The following TRIM24 variants were observed in gnomAD, a reference collection of about 807,000 sequenced individuals.
The protein encoded by TRIM24 is transcription intermediary factor 1-alpha.
Under a neutral mutation model 123.9 loss-of-function variants are expected in TRIM24, and 29 were observed. That is an observed-to-expected ratio of 0.23 (90% CI 0.17 to 0.32). The LOEUF (loss-of-function observed/expected upper bound fraction) is 0.32, where lower values mean the gene tolerates loss of function less well. Among genes scored for constraint, TRIM24 ranks in the 10% least tolerant of loss-of-function variants. TRIM24 has a pLI of 1.00. For synonymous variants in TRIM24, 456 were observed against 461.1 expected, an observed-to-expected ratio of 0.99 and a Z score of 0.14; for missense variants, 932 against 1,295.3, an observed-to-expected ratio of 0.72 and a Z score of 4.31.
At chr7:138,478,709 G>A (rs1202750045) in intron 1 of TRIM24, among the ~76,000 whole-genome samples, 2 of 152,150 alleles carry the variant, frequency 1.3e-5, no homozygotes, top group African/African-American at 2.4e-5. Context: ...GTGGCTCAGT[G>A]CTCCAAAGAA....
chr7:138,502,916 A>T (rs1188516691), intron 1 of TRIM24, among the ~76,000 whole-genome samples: 1 of 152,174 alleles, frequency 6.6e-6, no homozygotes, highest in African/African-American at 2.4e-5. Context: ...TTGCTTAAAA[A>T]TTTATTCCAA....
In TRIM24 at chr7:138,586,178, TATAGATAG is replaced by T. The variant is rs147140704; in HGVS notation, c.*1241_*1248del. Reference sequence around the variant, plus strand: ...TGCCAGACCTACCCGGTTCAGCTGATATAGATAGATAGATAGATAGAAGAAAATTGCTG... The same window carrying T: ...TGCCAGACCTACCCGGTTCAGCTGATATAGATAGATAGAAGAAAATTGCTG... On this transcript the variant is annotated 3_prime_UTR_variant, in exon 19 of 19. Transcript: ENST00000343526. 1.6e-4 allele frequency: 44 copies of T among 277,362 alleles called. No homozygotes were observed. Among genetic ancestry groups the T allele is most frequent in the South Asian group, 8.1e-4 (21 of 25,950 alleles). 17.2% of individuals were successfully genotyped at this position (277,362 alleles called of 1,614,324 possible). A position where few individuals can be genotyped will look rare whatever the true frequency, so the allele number is the denominator to read the frequency against.
intron 1 of TRIM24, among the ~76,000 whole-genome samples, chr7:138,480,955 GTTAT>G (rs936152689): frequency 9.9e-5 from 15 of 151,282 alleles, no homozygotes; most frequent in South Asian, 6.3e-4. Flanking sequence ...TTTTTGTTGG[GTTAT>G]TTAAACTTTT....
chr7:138,483,764 T>C (rs1211700675), intron 1 of TRIM24, among the ~76,000 whole-genome samples: 1 of 152,208 alleles, frequency 6.6e-6, no homozygotes. Flanking sequence ...GTAGCCTTTT[T>C]ATGTAGTATC....
intron 7 of TRIM24, among the ~76,000 whole-genome samples, chr7:138,549,305 A>G (rs1479067998): frequency 1.3e-5 from 2 of 152,210 alleles, no homozygotes; most frequent in African/African-American, 4.8e-5. Context: ...GGAAGGGAGA[A>G]GTCAAAAAAC....
chr7:138,563,381 C>T (rs965303361), intron 9 of TRIM24, among the ~76,000 whole-genome samples: 1 of 152,204 alleles, frequency 6.6e-6, no homozygotes, highest in African/African-American at 2.4e-5. Context: ...CTTATCTAAC[C>T]TCAGCCGGCT....
At chr7:138,475,703 G>A (rs964746184) in intron 1 of TRIM24, among the ~76,000 whole-genome samples, 4 of 152,132 alleles carry the variant, frequency 2.6e-5, no homozygotes, top group African/African-American at 7.2e-5. Context: ...TAGAGATGAC[G>A]TTTTGCCATG....
At chr7:138,549,982 G>GA (rs1271928738) in intron 7 of TRIM24, among the ~76,000 whole-genome samples, 1 of 152,172 alleles carries the variant, frequency 6.6e-6, no homozygotes, top group African/African-American at 2.4e-5. Context: ...AATTTTCAGT[G>GA]AAATGCTAAG....
At chr7:138,527,706 T>C (rs1796638016) in intron 5 of TRIM24, among the ~76,000 whole-genome samples, 1 of 152,152 alleles carries the variant, frequency 6.6e-6, no homozygotes, top group African/African-American at 2.4e-5. Context: ...CTCACAAAGT[T>C]TGGTGGATGC....
chr7:138,540,314 G>C (rs1284912689), intron 7 of TRIM24, among the ~76,000 whole-genome samples: 3 of 152,142 alleles, frequency 2.0e-5, no homozygotes, highest in African/African-American at 7.2e-5. Flanking sequence ...TAATTTGATA[G>C]TATTTTACCT....
intron 10 of TRIM24, among the ~76,000 whole-genome samples, chr7:138,568,549 G>A (rs111464329): frequency 1.9e-4 from 29 of 151,596 alleles, no homozygotes; most frequent in African/African-American, 6.8e-4. Flanking sequence ...ACCATGCCTG[G>A]CTAATTTTTG....
intron 3 of TRIM24, among the ~76,000 whole-genome samples, chr7:138,517,360 G>GTTTTGTTTTGTTTTGTTTTGTTT (rs1554438056): frequency 4.0e-4 from 61 of 151,760 alleles, no homozygotes; most frequent in Middle Eastern, 3.4e-3. Flanking sequence ...TTGTGTGTGT[G>GTTTTGTTTTGTTTTGTTTTGTTT]TGTTTTGTTT....
intron 1 of TRIM24, among the ~76,000 whole-genome samples, chr7:138,462,145 A>T (rs867610078): frequency 1.3e-5 from 2 of 152,104 alleles, no homozygotes; most frequent in South Asian, 2.1e-4. Context: ...GATACATATT[A>T]TCCAGTATAA....
At chr7:138,506,515 T>C (rs571385446) in intron 2 of TRIM24, among the ~76,000 whole-genome samples, 3 of 152,194 alleles carry the variant, frequency 2.0e-5, no homozygotes, top group Non-Finnish European at 4.4e-5. Context: ...TCTTCAAATG[T>C]AAAGTAGCAT....
chr7:138,588,843 G>A lies in TRIM24; in HGVS notation c.*3892G>A, dbSNP rs1160591531. 1.3e-5 allele frequency: 2 copies of A among 151,728 alleles called. No individual in the cohort carries two copies. The highest frequency in any genetic ancestry group is 2.9e-5 in the Non-Finnish European group (2 of 68,032). The allele number at this position is 151,728 out of a possible 1,614,324, so 9.4% of individuals were successfully genotyped here. A position where few individuals can be genotyped will look rare whatever the true frequency, so the allele number is the denominator to read the frequency against. ...AACATGGTGAAACCCCACCTCAACA[G>A]AATATACAAAAAAATTAGCTGGGTG... On this transcript the variant is annotated 3_prime_UTR_variant, in exon 19 of 19. Coordinates refer to ENST00000343526, the MANE Select transcript of TRIM24 (RefSeq NM_015905.3).
chr7:138,537,675 C>G (rs1796920202), intron 6 of TRIM24, among the ~76,000 whole-genome samples: 1 of 152,080 alleles, frequency 6.6e-6, no homozygotes, highest in Non-Finnish European at 1.5e-5. Context: ...AAATTACTGT[C>G]TCTCTGAACT....
chr7:138,500,874 T>C (rs1796023387), intron 1 of TRIM24, among the ~76,000 whole-genome samples: 1 of 152,070 alleles, frequency 6.6e-6, no homozygotes, highest in South Asian at 2.1e-4. Context: ...GCACAGCATG[T>C]TACTGTACTA....
rs1387466319 is a variant in TRIM24, at chr7:138,554,852, T to C, written c.1416T>C (p.His472=). 1.2e-6 allele frequency: 2 copies of C among 1,614,132 alleles called. No homozygotes were observed. The highest frequency in any genetic ancestry group is 3.3e-5 in the Admixed American group (2 of 60,022). Reference sequence around the variant, plus strand: ...GCCTAGCTCAATTACGGCTCCAGCATATGCAGCAACAGGTAATGGCTCAGA... The same window carrying C: ...GCCTAGCTCAATTACGGCTCCAGCACATGCAGCAACAGGTAATGGCTCAGA... ...QISLAQLRLQ[H]MQQQVMAQRQ... is the part of the protein sequence containing the mutation. The change falls in exon 9 of 19, where the codon CAT becomes CAC. Residue 472 remains histidine (H), a synonymous_variant. Coordinates refer to ENST00000343526, the MANE Select transcript of TRIM24 (RefSeq NM_015905.3). This position sits in a 1 kb window ranked among gnomAD's most constrained non-coding sequence, Gnocchi z 4.5.
Position 138,577,602 on chromosome 7 carries a change from C to T in TRIM24, c.2256+14C>T. On this transcript the variant is annotated intron_variant, in intron 14 of 18. Coordinates refer to ENST00000343526, the MANE Select transcript of TRIM24 (RefSeq NM_015905.3). ...AGGCCTCAAAATGTAATTATGAATG[C>T]TTGCAATGCTATTCCTATGCATGGT... 1.3e-6 allele frequency: 2 copies of T among 1,587,414 alleles called. No homozygotes were observed. Among genetic ancestry groups the T allele is most frequent in the Non-Finnish European group, 1.7e-6 (2 of 1,167,934 alleles).
Sources: allele counts gnomAD v4.1 joint callset (sites outside exome capture counted in the v4.1 genomes callset), GRCh38; gene constraint gnomAD v4.1.1; non-coding constraint Gnocchi (gnomAD v3.1); transcripts MANE v1.5; gene names NCBI Gene and HGNC (gene_info 2026-07-23, HGNC 2026-07-21).